CCSER1: variants seen among roughly 807,000 people sequenced by gnomAD.
CCSER1 encodes serine-rich coiled-coil domain-containing protein 1.
CCSER1 carries 41 observed loss-of-function variants against 82.0 expected under a neutral mutation model. The ratio of observed to expected loss-of-function variants is 0.50; its 90% CI spans 0.39 to 0.65. The LOEUF (loss-of-function observed/expected upper bound fraction) is 0.65. Ranked by LOEUF, CCSER1 falls within the 30% of genes least tolerant of loss-of-function variation. CCSER1 has a pLI of 0.00. For synonymous variants in CCSER1, 414 were observed against 383.9 expected (o/e 1.08, Z -0.92); for missense variants, 1,119 against 1,064.2 (o/e 1.05, Z -0.72).
At chr4:90,198,599 C>A (rs1737045895) in intron 1 of CCSER1, among the ~76,000 whole-genome samples, 1 of 152,068 alleles carries the variant, frequency 6.6e-6, no homozygotes, top group Non-Finnish European at 1.5e-5. Flanking sequence ...TGAATTTCAA[C>A]TCTGGAAGGA....
At chr4:90,807,840 A>G (rs1265375466) in intron 7 of CCSER1, among the ~76,000 whole-genome samples, 1 of 152,182 alleles carries the variant, frequency 6.6e-6, no homozygotes, top group African/African-American at 2.4e-5. Context: ...CAAAGATTCA[A>G]TGCAATTCCT....
chr4:91,377,319 C>T lies in CCSER1; in HGVS notation c.2218-221253C>T, dbSNP rs1050596080. On this transcript the variant is annotated intron_variant, in intron 10 of 10. Transcript: ENST00000509176. ...TTCTAGTTCTAGATCCTTGAGGAAT[C>T]GCCACACTGTCTTCCACAATGGTTG... Among the ~76,000 whole-genome samples, 96 of 152,238 alleles carry T rather than the reference C, an allele frequency of 6.3e-4. 1 individual carries two copies. The highest frequency in any genetic ancestry group is 1.3e-3 in the African/African-American group (52 of 41,556).
intron 6 of CCSER1, among the ~76,000 whole-genome samples, chr4:90,708,490 C>G (rs993777919): frequency 1.3e-5 from 2 of 152,026 alleles, no homozygotes; most frequent in Admixed American, 1.3e-4. Context: ...CTTCTGGTAC[C>G]GGGAATGAGG....
chr4:90,828,291 A>C (rs1008541365), intron 8 of CCSER1, among the ~76,000 whole-genome samples: 2 of 151,960 alleles, frequency 1.3e-5, no homozygotes, highest in East Asian at 1.9e-4. Flanking sequence ...TTTTTTAGTG[A>C]CTTAAAATGT....
intron 10 of CCSER1, among the ~76,000 whole-genome samples, chr4:91,252,311 A>G (rs1489614760): frequency 6.6e-6 from 1 of 152,168 alleles, no homozygotes; most frequent in East Asian, 1.9e-4. Flanking sequence ...CACTATACCT[A>G]CTTACTCTGT....
chr4:90,487,846 T>A (rs1345164180), intron 5 of CCSER1, among the ~76,000 whole-genome samples: 1 of 152,204 alleles, frequency 6.6e-6, no homozygotes, highest in African/African-American at 2.4e-5. Context: ...TTCACCATGT[T>A]GGCCAGGCTG....
chr4:91,540,845 C>A (rs1761554616), intron 10 of CCSER1, among the ~76,000 whole-genome samples: 1 of 152,070 alleles, frequency 6.6e-6, no homozygotes, highest in South Asian at 2.1e-4. Flanking sequence ...TTCAAAAGAT[C>A]AGTTGATTAT....
chr4:90,725,929 C>T (rs1743556649), intron 7 of CCSER1, among the ~76,000 whole-genome samples: 2 of 151,804 alleles, frequency 1.3e-5, no homozygotes, highest in African/African-American at 4.8e-5. Flanking sequence ...TCACCTATTC[C>T]CCATGAATGT....
intron 5 of CCSER1, among the ~76,000 whole-genome samples, chr4:90,600,811 T>G (rs1051993539): frequency 2.0e-5 from 3 of 152,020 alleles, no homozygotes; most frequent in Non-Finnish European, 4.4e-5. Context: ...TGAGAAAAAT[T>G]TTTATCTTGG....
chr4:91,510,159 G>A (rs924782060), intron 10 of CCSER1, among the ~76,000 whole-genome samples: 2 of 152,090 alleles, frequency 1.3e-5, no homozygotes, highest in African/African-American at 2.4e-5. Flanking sequence ...GCCCCCAGCT[G>A]CATCCATGTT....
chr4:90,409,039 G>C (rs1003003426), intron 4 of CCSER1, among the ~76,000 whole-genome samples: 9 of 152,090 alleles, frequency 5.9e-5, no homozygotes, highest in Admixed American at 5.2e-4. Flanking sequence ...AGTGATGGAA[G>C]ACAAAATGAA....
intron 8 of CCSER1, among the ~76,000 whole-genome samples, chr4:90,919,668 G>A (rs889432743): frequency 6.6e-6 from 1 of 151,766 alleles, no homozygotes; most frequent in East Asian, 1.9e-4. Flanking sequence ...TTATACAAAT[G>A]TTATTGATTA....
chr4:90,734,013 T>C (rs950235809), intron 7 of CCSER1, among the ~76,000 whole-genome samples: 1 of 152,094 alleles, frequency 6.6e-6, no homozygotes, highest in African/African-American at 2.4e-5. Context: ...TCTGGGTCTT[T>C]TGTGATTCCA....
intron 1 of CCSER1, among the ~76,000 whole-genome samples, chr4:90,275,496 A>G (rs1727378864): frequency 6.6e-6 from 1 of 152,182 alleles, no homozygotes; most frequent in Admixed American, 6.5e-5. Context: ...TTGCTAATGA[A>G]ATAAAACTTT....
intron 9 of CCSER1, among the ~76,000 whole-genome samples, chr4:90,944,050 A>G (rs1012719607): frequency 4.0e-5 from 6 of 151,780 alleles, no homozygotes; most frequent in African/African-American, 1.5e-4. Flanking sequence ...CCTGGGCAAA[A>G]CGGTGAAACC....
At chr4:91,402,992 G>A (rs905611621) in intron 10 of CCSER1, among the ~76,000 whole-genome samples, 1 of 152,138 alleles carries the variant, frequency 6.6e-6, no homozygotes, top group Non-Finnish European at 1.5e-5. Flanking sequence ...GGGCAGTATG[G>A]CCATTTTCAC....
intron 10 of CCSER1, among the ~76,000 whole-genome samples, chr4:91,462,842 G>C (rs184372367): frequency 6.6e-6 from 1 of 152,274 alleles, no homozygotes; most frequent in Non-Finnish European, 1.5e-5. Flanking sequence ...GGCTTGAGTA[G>C]GTAAACAAAG....
intron 9 of CCSER1, among the ~76,000 whole-genome samples, chr4:91,073,973 A>G (rs893152007): frequency 2.0e-5 from 3 of 152,112 alleles, no homozygotes; most frequent in African/African-American, 4.8e-5. Flanking sequence ...TCATCCAACA[A>G]TGTGTTTCTG....
chr4:90,813,357 G>A (rs1050140303), intron 7 of CCSER1, among the ~76,000 whole-genome samples: 2 of 152,196 alleles, frequency 1.3e-5, no homozygotes, highest in Admixed American at 6.5e-5. Flanking sequence ...TGCAAGGGAT[G>A]GACTCCCATG....
Sources: allele counts gnomAD v4.1 joint callset (sites outside exome capture counted in the v4.1 genomes callset), GRCh38; gene constraint gnomAD v4.1.1; transcripts MANE v1.5; gene names NCBI Gene and HGNC (gene_info 2026-07-23, HGNC 2026-07-21).